Variants in GALNT3 observed in about 807,000 individuals in gnomAD.
GALNT3 encodes the protein polypeptide N-acetylgalactosaminyltransferase 3, also known as GalNAc transferase 3.
GALNT3 carries 51 observed loss-of-function variants against 69.8 expected under a neutral mutation model. The observed-to-expected ratio is 0.73, with a 90% confidence interval of 0.58 to 0.92. The LOEUF (loss-of-function observed/expected upper bound fraction) is 0.92, where lower values mean the gene tolerates loss of function less well. Among genes scored for constraint, GALNT3 ranks in the 40% least tolerant of loss-of-function variants. The pLI, the probability that GALNT3 is intolerant of heterozygous loss-of-function variation, is 0.00. For missense variants in GALNT3, 711 were observed against 760.0 expected, an observed-to-expected ratio of 0.94 and a Z score of 0.76; for synonymous variants, 265 against 248.5, an observed-to-expected ratio of 1.07 and a Z score of -0.63.
Position 165,748,746 on chromosome 2 carries a change from A to T in GALNT3, c.*35T>A. On this transcript the variant is annotated 3_prime_UTR_variant, in exon 11 of 11. Transcript: ENST00000392701. ...GCCTAGTCACAGTTTTATGAGAAAG[A>T]ATATTTCCTTTTTCAACTTAATTTT... The T allele has an allele frequency of 6.3e-7, 1 of 1,576,676 alleles. No homozygotes were observed. Among genetic ancestry groups the T allele is most frequent in the Admixed American group, 1.7e-5 (1 of 58,428 alleles).
chr2:165,756,425 C>T (rs1245080792), intron 7 of GALNT3, among the ~76,000 whole-genome samples: 1 of 152,040 alleles, frequency 6.6e-6, no homozygotes, highest in African/African-American at 2.4e-5. Flanking sequence ...TATTTGTTAG[C>T]ACTTATCACT....
At chr2:165,758,062 C>T (rs376867606) in intron 6 of GALNT3, among the ~76,000 whole-genome samples, 100 of 152,208 alleles carry the variant, frequency 6.6e-4, no homozygotes, top group African/African-American at 2.0e-3. Context: ...TGACCCAACA[C>T]GTGCTAGGGG....
intron 10 of GALNT3, among the ~76,000 whole-genome samples, chr2:165,749,155 GT>G (rs1430339498): frequency 1.3e-5 from 2 of 152,048 alleles, no homozygotes; most frequent in African/African-American, 2.4e-5. Flanking sequence ...CAAACAAGAA[GT>G]ATTCCCTTGA....
intron 2 of GALNT3, among the ~76,000 whole-genome samples, chr2:165,769,665 A>G (rs1040116065): frequency 7.2e-5 from 11 of 152,020 alleles, no homozygotes; most frequent in Non-Finnish European, 1.6e-4. Context: ...TTTACAAAAA[A>G]TAGGGCATTC....
intron 1 of GALNT3, 115 bp from the exon 2 acceptor site, chr2:165,770,923 T>C (rs146804492): frequency 2.6e-5 from 11 of 421,362 alleles, no homozygotes; most frequent in African/African-American, 1.8e-4. Flanking sequence ...TTATGGTTAA[T>C]GAGAATACAA....
intron 2 of GALNT3, among the ~76,000 whole-genome samples, chr2:165,767,996 C>A (rs550881824): frequency 1.2e-3 from 180 of 151,742 alleles, no homozygotes; most frequent in Admixed American, 3.0e-3. Flanking sequence ...GCCTCAGCCT[C>A]CCAAGTAGCT....
Position 165,770,810 on chromosome 2 carries a change from T to C in GALNT3, c.-108-2A>G, listed in dbSNP as rs1688740065. The C allele has an allele frequency of 8.3e-7, 1 of 1,209,958 alleles. No individual in the cohort carries two copies. The highest frequency in any genetic ancestry group is 2.4e-5 in the East Asian group (1 of 41,272). The allele number at this position is 1,209,958 out of a possible 1,614,324, so 75.0% of individuals were successfully genotyped here. A position where few individuals can be genotyped will look rare whatever the true frequency, so the allele number is the denominator to read the frequency against. On this transcript the variant is annotated splice_acceptor_variant, in intron 1 of 10. Coordinates refer to ENST00000392701, the MANE Select transcript of GALNT3 (RefSeq NM_004482.4). LOFTEE classifies it low-confidence loss of function (5UTR_SPLICE). ...AGAAGGTATCTTTAATGGTAGTACCTATAAACAGAAATGATCGATGGTATT... is the reference window on the plus strand; with the variant it reads ...AGAAGGTATCTTTAATGGTAGTACCCATAAACAGAAATGATCGATGGTATT...
chr2:165,783,250 G>A (rs1298911208), intron 1 of GALNT3, among the ~76,000 whole-genome samples: 1 of 152,148 alleles, frequency 6.6e-6, no homozygotes, highest in African/African-American at 2.4e-5. Context: ...AGTGAAAGGA[G>A]TGTCTACTGG....
chr2:165,760,827 G>C (rs1412533816), intron 4 of GALNT3, among the ~76,000 whole-genome samples: 1 of 151,872 alleles, frequency 6.6e-6, no homozygotes, highest in Admixed American at 6.6e-5. Flanking sequence ...AGAGCTCAAG[G>C]GACAAAATGA....
chr2:165,759,396 C>T lies in GALNT3; in HGVS notation c.1013G>A (p.Gly338Asp). 4 of 1,613,988 alleles carry T rather than the reference C, an allele frequency of 2.5e-6. No individual in the cohort carries two copies. The highest frequency in any genetic ancestry group is 3.4e-6 in the Non-Finnish European group (4 of 1,179,978). ...RGNFDWSLSF[G>D]WESLPDHEKQ... ...CTCATGATCAGGAAGCGACTCCCAG[C>T]CAAATGAAAGACTCCAGTCAAAATT... Residue 338 changes from glycine to aspartate, a missense_variant, in exon 5 of 11, where the codon GGC (glycine) becomes GAC (aspartate). Coordinates refer to ENST00000392701, the MANE Select transcript of GALNT3 (RefSeq NM_004482.4).
intron 1 of GALNT3, among the ~76,000 whole-genome samples, chr2:165,782,686 A>C (rs1683137889): frequency 6.6e-6 from 1 of 152,158 alleles, no homozygotes; most frequent in Non-Finnish European, 1.5e-5. Flanking sequence ...CACTTTGAAC[A>C]GTTGGCCACA....
At position 165,770,518 on chromosome 2, in the gene GALNT3, C is replaced by T; in HGVS notation, c.183G>A (p.Lys61=). The stretch of plus-strand genomic sequence containing the variant: ...CAGCTTCTAGCATTAAATCCAACAT[C>T]TTGTTTTTGTTTTTCATGTTCCTTT... The part of the protein sequence containing the change: ...RMERNMKNKN[K]MLDLMLEAVN... Residue 61 remains lysine (K), a synonymous_variant, in exon 2 of 11, where the codon AAG becomes AAA. Coordinates refer to ENST00000392701, the MANE Select transcript of GALNT3 (RefSeq NM_004482.4). 1 of 1,614,118 alleles carries T rather than the reference C, an allele frequency of 6.2e-7. No individual in the cohort carries two copies.
intron 1 of GALNT3, chr2:165,771,709 C>T (rs559823093): frequency 2.6e-5 from 4 of 152,086 alleles, no homozygotes; most frequent in Admixed American, 6.5e-5. Context: ...TTTGCAGGGA[C>T]GAAGGGGAGG....
intron 6 of GALNT3, chr2:165,758,487 T>C (rs1688485856): frequency 3.6e-6 from 1 of 281,252 alleles, no homozygotes; most frequent in Non-Finnish European, 6.6e-6. Flanking sequence ...TGGAATTCAG[T>C]AGCTACAAGT....
chr2:165,786,758 T>C (rs779579813), intron 1 of GALNT3, among the ~76,000 whole-genome samples: 1 of 152,224 alleles, frequency 6.6e-6, no homozygotes, highest in Admixed American at 6.5e-5. Flanking sequence ...AATCTTTCAC[T>C]AACCTTGTAA....
chr2:165,772,923 G>A (rs1559003238), intron 1 of GALNT3, among the ~76,000 whole-genome samples: 1 of 152,168 alleles, frequency 6.6e-6, no homozygotes, highest in Non-Finnish European at 1.5e-5. Context: ...ATGGAATGGA[G>A]AGGACTGTTT....
At chr2:165,783,530 T>C (rs552270707) in intron 1 of GALNT3, among the ~76,000 whole-genome samples, 3 of 152,308 alleles carry the variant, frequency 2.0e-5, no homozygotes, top group East Asian at 1.9e-4. Flanking sequence ...TCAGCTTCCA[T>C]TACCCTCTAG....
intron 3 of GALNT3, among the ~76,000 whole-genome samples, chr2:165,763,884 G>C (rs909456396): frequency 1.2e-4 from 18 of 152,098 alleles, no homozygotes; most frequent in African/African-American, 4.3e-4. Context: ...GTGACCTTGG[G>C]CAAGGAATTT....
At chr2:165,765,536 C>T (rs1362407614) in intron 2 of GALNT3, among the ~76,000 whole-genome samples, 1 of 151,468 alleles carries the variant, frequency 6.6e-6, no homozygotes, top group Non-Finnish European at 1.5e-5. Context: ...GTCGCCCAGG[C>T]TGGAGTGCAG....
Sources: allele counts gnomAD v4.1 joint callset (sites outside exome capture counted in the v4.1 genomes callset), GRCh38; gene constraint gnomAD v4.1.1; transcripts MANE v1.5; gene names NCBI Gene and HGNC (gene_info 2026-07-23, HGNC 2026-07-21).